Variants in LGR6 observed in about 807,000 individuals in gnomAD.
LGR6 encodes leucine-rich repeat-containing G protein-coupled receptor 6.
Under a neutral mutation model 69.4 loss-of-function variants are expected in LGR6, and 45 were observed. The observed-to-expected ratio is 0.65, with a 90% CI of 0.51 to 0.83. The LOEUF (loss-of-function observed/expected upper bound fraction) is 0.83. Among genes scored for constraint, LGR6 ranks in the 40% least tolerant of loss-of-function variants. The pLI, the probability that LGR6 is intolerant of heterozygous loss-of-function variation, is 0.00. For missense variants in LGR6, 1,108 were observed against 1,246.7 expected (o/e 0.89, Z 1.68); for synonymous variants, 538 against 555.0 (o/e 0.97, Z 0.43).
intron 4 of LGR6, among the ~76,000 whole-genome samples, chr1:202,238,962 G>T (rs1661886445): frequency 6.6e-6 from 1 of 152,188 alleles, no homozygotes; most frequent in Non-Finnish European, 1.5e-5. Flanking sequence ...CTGGGTGCCG[G>T]CGGGCTGAGG....
intron 5 of LGR6, among the ~76,000 whole-genome samples, chr1:202,277,570 A>C (rs1665675609): frequency 6.6e-6 from 1 of 152,086 alleles, no homozygotes; most frequent in African/African-American, 2.4e-5. Context: ...GAGGGATAAG[A>C]TTACTGGAGA....
At chr1:202,221,299 C>T (rs1660138766) in intron 1 of LGR6, among the ~76,000 whole-genome samples, 2 of 152,210 alleles carry the variant, frequency 1.3e-5, no homozygotes, top group African/African-American at 4.8e-5. Flanking sequence ...CCCTCCATCC[C>T]CCAGCATCCT....
At position 202,318,725 on chromosome 1, in the gene LGR6, G is replaced by A. The variant is rs752176578; in HGVS notation, c.2422G>A (p.Val808Ile). 4.3e-5 allele frequency: 69 copies of A among 1,613,254 alleles called. No individual in the cohort carries two copies. Among genetic ancestry groups the A allele is most frequent in the Non-Finnish European group, 5.5e-5 (65 of 1,180,014 alleles). The part of the protein sequence containing the change: ...LGLFPVTPEA[V>I]KSVLLVVLPL... ...CCTCTTCCCTGTCACGCCCGAGGCC[G>A]TCAAGTCTGTCCTGCTGGTGGTGCT... The change falls in exon 18 of 18, where the codon GTC becomes ATC. Residue 808 changes from valine (V) to isoleucine (I), a missense_variant. Physicochemically the swap from Val to Ile is conservative, Grantham distance 29. Transcript: ENST00000367278.
At chr1:202,245,463 A>G (rs1352022153) in intron 4 of LGR6, among the ~76,000 whole-genome samples, 1 of 152,162 alleles carries the variant, frequency 6.6e-6, no homozygotes, top group African/African-American at 2.4e-5. Context: ...AGTTGGCCCA[A>G]GTCGGGCCAC....
intron 15 of LGR6, among the ~76,000 whole-genome samples, chr1:202,309,977 A>G (rs1405406478): frequency 1.3e-5 from 2 of 152,196 alleles, no homozygotes; most frequent in East Asian, 1.9e-4. Flanking sequence ...TGAACAAAGA[A>G]AGACAGAAAT....
At chr1:202,206,377 G>A (rs965429751) in intron 1 of LGR6, among the ~76,000 whole-genome samples, 2 of 152,202 alleles carry the variant, frequency 1.3e-5, no homozygotes, top group African/African-American at 2.4e-5. Context: ...ACCAGATCAC[G>A]TCTCAGGCCA....
At position 202,250,695 on chromosome 1, in the gene LGR6, C is replaced by T. The variant is rs560998557; in HGVS notation, c.428+14702C>T. On this transcript the variant is annotated intron_variant, in intron 4 of 17. Coordinates refer to ENST00000367278, the MANE Select transcript of LGR6 (RefSeq NM_001017403.2). ...CTGGGATTACAGAAGTGAGCCACCA[C>T]ACCCAGACTGGATGTCCTTTTTTAA... Among the ~76,000 whole-genome samples the T allele has an allele frequency of 2.6e-5, 4 of 152,268 alleles. No individual in the cohort carries two copies. The South Asian group carries it at 8.3e-4, about 32-fold the overall frequency.
intron 6 of LGR6, among the ~76,000 whole-genome samples, chr1:202,294,839 T>C (rs1336698836): frequency 3.3e-5 from 5 of 152,052 alleles, no homozygotes; most frequent in African/African-American, 9.7e-5. Flanking sequence ...GAATAGCAAA[T>C]GAGAGGATAT....
chr1:202,229,050 A>G (rs757851743), intron 3 of LGR6, among the ~76,000 whole-genome samples: 12 of 152,128 alleles, frequency 7.9e-5, no homozygotes, highest in Non-Finnish European at 1.3e-4. Flanking sequence ...AGAAAGCGAT[A>G]TCTTTTAAAA....
intron 4 of LGR6, among the ~76,000 whole-genome samples, chr1:202,274,107 G>C (rs934363325): frequency 6.6e-6 from 1 of 152,122 alleles, no homozygotes; most frequent in Non-Finnish European, 1.5e-5. Flanking sequence ...CAATAGAATG[G>C]GGTGTCAAAG....
chr1:202,197,515 A>T (rs913105868), intron 1 of LGR6: 2 of 527,550 alleles, frequency 3.8e-6, no homozygotes, highest in Middle Eastern at 6.4e-4. Flanking sequence ...CTGTTCTGGA[A>T]ATAGACCAAG....
chr1:202,291,912 A>G (rs965386548), intron 6 of LGR6, among the ~76,000 whole-genome samples: 2 of 152,240 alleles, frequency 1.3e-5, no homozygotes, highest in African/African-American at 4.8e-5. Flanking sequence ...AAAATCCCAG[A>G]AAAGTTCCAA....
chr1:202,198,878 G>T (rs913973403), intron 1 of LGR6, among the ~76,000 whole-genome samples: 47 of 152,012 alleles, frequency 3.1e-4, no homozygotes, highest in African/African-American at 1.1e-3. Flanking sequence ...GGGGGTGGGG[G>T]TGCCAACGTG....
At chr1:202,213,044 G>A (rs1338993051) in intron 1 of LGR6, among the ~76,000 whole-genome samples, 1 of 152,182 alleles carries the variant, frequency 6.6e-6, no homozygotes, top group East Asian at 1.9e-4. Context: ...TCTCTCCTCA[G>A]ACCGAAGTTT....
chr1:202,304,792 G>A (rs1418629980), intron 11 of LGR6, among the ~76,000 whole-genome samples, 162 bp downstream of exon 11: 2 of 152,150 alleles, frequency 1.3e-5, no homozygotes, highest in Non-Finnish European at 2.9e-5. Context: ...CCGGGTTTGA[G>A]GCACAGCTCT....
intron 14 of LGR6, among the ~76,000 whole-genome samples, chr1:202,308,229 G>A (rs1572013516): frequency 6.6e-6 from 1 of 152,216 alleles, no homozygotes; most frequent in African/African-American, 2.4e-5. Context: ...TCCTCAGGCT[G>A]GGGCCGTGGC....
intron 4 of LGR6, among the ~76,000 whole-genome samples, chr1:202,261,924 T>C (rs948564637): frequency 1.0e-3 from 159 of 152,354 alleles, no homozygotes; most frequent in Non-Finnish European, 1.7e-3. Context: ...TACTTTTTGA[T>C]GGGGTTGTTT....
intron 9 of LGR6, among the ~76,000 whole-genome samples, chr1:202,302,010 A>T (rs1667636673): frequency 6.6e-6 from 1 of 151,354 alleles, no homozygotes; most frequent in Non-Finnish European, 1.5e-5. Flanking sequence ...CAAGAATGAA[A>T]CTCCGTCTCA....
chr1:202,195,540 G>A (rs1658608043), intron 1 of LGR6, among the ~76,000 whole-genome samples: 2 of 152,228 alleles, frequency 1.3e-5, no homozygotes, highest in South Asian at 4.1e-4. Context: ...TGCAGTAGGT[G>A]ACGGCAGAGG....
Sources: allele counts gnomAD v4.1 joint callset (sites outside exome capture counted in the v4.1 genomes callset), GRCh38; gene constraint gnomAD v4.1.1; transcripts MANE v1.5; gene names NCBI Gene and HGNC (gene_info 2026-07-23, HGNC 2026-07-21).